DOCK11: variants seen among roughly 807,000 people sequenced by gnomAD.
The protein encoded by DOCK11 is dedicator of cytokinesis 11.
DOCK11 carries 70 observed loss-of-function variants against 169.1 expected under a neutral mutation model. The ratio of observed to expected loss-of-function variants is 0.41; its 90% confidence interval spans 0.34 to 0.51. The LOEUF (loss-of-function observed/expected upper bound fraction) is 0.51, where lower values mean the gene tolerates loss of function less well. Among genes scored for constraint, DOCK11 ranks in the 20% least tolerant of loss-of-function variants. DOCK11 has a pLI of 0.10. For missense variants in DOCK11, 1,166 were observed against 1,538.8 expected (o/e 0.76, Z 4.05); for synonymous variants, 529 against 541.3 (o/e 0.98, Z 0.32).
At chrX:118,654,561 ATTG>A (rs773126712) in intron 42 of DOCK11, 38 bp from the exon 43 acceptor site, 4 of 1,159,715 alleles carry the variant, frequency 3.4e-6, no homozygotes, top group Non-Finnish European at 4.7e-6. Context: ...GCACATCGAT[ATTG>A]TTGTTCAACT....
At chrX:118,538,710 G>A (rs939940849) in intron 1 of DOCK11, 31 of 743,653 alleles carry the variant, frequency 4.2e-5, no homozygotes, top group Non-Finnish European at 4.9e-5. Flanking sequence ...ACCATTTATT[G>A]TAACGGGTTT....
In DOCK11 at chrX:118,578,400, A is replaced by G. The variant is rs1010122901; in HGVS notation, c.1390-125A>G. The stretch of plus-strand genomic sequence containing the variant: ...AACTCTATGAAAGGAAATTCTATCT[A>G]TTTCTAGGGTCCTGGACATGATCCT... On this transcript the variant is annotated intron_variant, in intron 12 of 52. Coordinates refer to ENST00000276202, the MANE Select transcript of DOCK11 (RefSeq NM_144658.4). 3 of 757,303 alleles carry G rather than the reference A, an allele frequency of 4.0e-6. No homozygotes were observed. In the African/African-American group the frequency reaches 6.5e-5, roughly 16 times the overall value. The allele number at this position is 757,303 out of a possible 1,213,427, so 62.4% of individuals were successfully genotyped here.
intron 1 of DOCK11, among the ~76,000 whole-genome samples, chrX:118,535,631 GAGCTA>G (rs2147337097): frequency 9.0e-6 from 1 of 111,539 alleles, no homozygotes; most frequent in East Asian, 2.8e-4. Flanking sequence ...AGAATCAGGT[GAGCTA>G]AGTGTGGGTT....
At chrX:118,503,999 C>A (rs1232644706) in intron 1 of DOCK11, among the ~76,000 whole-genome samples, 1 of 110,577 alleles carries the variant, frequency 9.0e-6, no homozygotes, top group Non-Finnish European at 1.9e-5. Flanking sequence ...GGTTGACTTC[C>A]TGCTCAGGTG....
rs1380897130 is a variant in DOCK11 at position 118,615,585 on chromosome X, T to C, written c.3181-15T>C. On this transcript the variant is annotated splice_polypyrimidine_tract_variant and intron_variant, in intron 29 of 52. Coordinates refer to ENST00000276202, the MANE Select transcript of DOCK11 (RefSeq NM_144658.4). Reference sequence around the variant, plus strand: ...CTACTAAATATGAGCTAATGTATCATTTCTTTCCATTTAGGTTCTGGCTGA... The same window carrying C: ...CTACTAAATATGAGCTAATGTATCACTTCTTTCCATTTAGGTTCTGGCTGA... 4.3e-6 allele frequency: 5 copies of C among 1,163,569 alleles called. No individual in the cohort carries two copies. The highest frequency in any genetic ancestry group is 5.8e-6 in the Non-Finnish European group (5 of 856,192).
At chrX:118,663,874 C>G (rs1041296545) in intron 45 of DOCK11, among the ~76,000 whole-genome samples, 1 of 108,888 alleles carries the variant, frequency 9.2e-6, no homozygotes, top group African/African-American at 3.3e-5. Flanking sequence ...AGGGTTTCAC[C>G]ATGTTGGCCA....
intron 21 of DOCK11, 141 bp downstream of exon 21, chrX:118,597,693 G>C: frequency 6.3e-6 from 4 of 639,677 alleles, no homozygotes; most frequent in South Asian, 4.1e-5. Context: ...GATAAACATG[G>C]AATGTGCATG....
intron 32 of DOCK11, 92 bp from the exon 33 acceptor site, chrX:118,627,411 TA>T: frequency 3.0e-6 from 2 of 677,766 alleles, no homozygotes; most frequent in Non-Finnish European, 4.7e-6. Flanking sequence ...GAGCTTTGTT[TA>T]AAATCAATGT....
chrX:118,616,575 T>C (rs1215728377), intron 30 of DOCK11, among the ~76,000 whole-genome samples: 1 of 109,775 alleles, frequency 9.1e-6, no homozygotes, highest in Non-Finnish European at 1.9e-5. Flanking sequence ...GTGTCTCCTC[T>C]CTCAGGCTTG....
At chrX:118,578,457 C>T in intron 12 of DOCK11, 68 bp from the exon 13 acceptor site, 3 of 1,115,582 alleles carry the variant, frequency 2.7e-6, no homozygotes, top group East Asian at 6.3e-5. Flanking sequence ...TACTAAAAAT[C>T]GTTAACCATA....
intron 30 of DOCK11, among the ~76,000 whole-genome samples, 196 bp downstream of exon 30, chrX:118,615,907 G>A (rs2014800052): frequency 8.9e-6 from 1 of 111,979 alleles, no homozygotes; most frequent in South Asian, 3.7e-4. Context: ...AAGAAATCAG[G>A]TGTGTTAATA....
chrX:118,638,110 G>T lies in DOCK11; in HGVS notation c.3984G>T (p.Gly1328=). 2.5e-6 allele frequency: 3 copies of T among 1,206,965 alleles called. No individual in the cohort carries two copies. Among genetic ancestry groups the T allele is most frequent in the South Asian group, 3.5e-5 (2 of 56,478 alleles). The change falls in exon 37 of 53, where the codon GGG becomes GGT. Residue 1328 remains glycine, a synonymous_variant. Transcript: ENST00000276202. ...GCTTGTTTCACTTTAGATATATGGGGAAAAGAAACATAGCAAGGTAATTCC... is the reference window on the plus strand; with the variant it reads ...GCTTGTTTCACTTTAGATATATGGGTAAAAGAAACATAGCAAGGTAATTCC... ...EVCLFHFRYM[G]KRNIARVHDA...
chrX:118,668,439 G>A (rs1295344948), intron 45 of DOCK11, among the ~76,000 whole-genome samples: 1 of 109,891 alleles, frequency 9.1e-6, no homozygotes, highest in East Asian at 2.8e-4. Context: ...TACATTCCTG[G>A]GATAATTCAT....
intron 30 of DOCK11, 26 bp from the exon 31 acceptor site, chrX:118,618,524 G>A (rs1397411526): frequency 9.1e-7 from 1 of 1,104,109 alleles, no homozygotes; most frequent in Admixed American, 2.7e-5. Flanking sequence ...TTTCATAAAT[G>A]GGTTTTAAAT....
intron 1 of DOCK11, among the ~76,000 whole-genome samples, chrX:118,516,005 A>ATATATATATATATATATATC (rs2057681329): frequency 1.6e-4 from 1 of 6,221 alleles, no homozygotes; most frequent in Non-Finnish European, 2.8e-4. Flanking sequence ...ATTTGGGCAA[A>ATATATATATATATATATATC]TATATATATA....
At chrX:118,580,292 G>A (rs1297097890) in intron 14 of DOCK11, 113 bp downstream of exon 14, 5 of 510,038 alleles carry the variant, frequency 9.8e-6, no homozygotes, top group African/African-American at 2.4e-5. Context: ...TGTATCTTGG[G>A]ACACTTGGGA....
chrX:118,637,964 CATT>C, intron 36 of DOCK11, 113 bp from the exon 37 acceptor site: 2 of 547,780 alleles, frequency 3.7e-6, no homozygotes, highest in Non-Finnish European at 5.8e-6. Flanking sequence ...AAACACTTAT[CATT>C]ATAATATGAT....
In DOCK11 at chrX:118,612,683, G is replaced by A. The variant is rs142388811; in HGVS notation, c.3097-2009G>A. Among the ~76,000 whole-genome samples the A allele has an allele frequency of 1.4e-3, 155 of 112,150 alleles. 1 individual carries two copies. Among genetic ancestry groups the A allele is most frequent in the African/African-American group, 4.5e-3 (139 of 30,912 alleles). On this transcript the variant is annotated intron_variant, in intron 28 of 52. Coordinates refer to ENST00000276202, the MANE Select transcript of DOCK11 (RefSeq NM_144658.4). ...GGCAGCATGAAACAAGTAACATAGT[G>A]CAGAGTTCCCCAAGACAAGAGTTGA...
At chrX:118,512,699 C>T (rs745810622) in intron 1 of DOCK11, among the ~76,000 whole-genome samples, 19 of 111,859 alleles carry the variant, frequency 1.7e-4, no homozygotes, top group African/African-American at 6.2e-4. Context: ...GTTGGGAGCC[C>T]AGGGTAGAGG....
Sources: gnomAD v4.1 joint callset for allele counts (sites outside exome capture counted in the v4.1 genomes callset) on GRCh38, gnomAD v4.1.1 for gene constraint, MANE v1.5 for transcripts, NCBI Gene and HGNC (gene_info 2026-07-23, HGNC 2026-07-21) for gene names.